Variants in UBXN8 observed in about 807,000 individuals in gnomAD.
UBXN8 encodes the protein UBX domain protein 8.
In UBXN8, 27 loss-of-function variants were observed where a neutral mutation model predicts 32.1. That is an observed-to-expected ratio of 0.84 (90% CI 0.62 to 1.16). UBXN8 has a LOEUF of 1.16. Among genes scored for constraint, UBXN8 ranks in the 50% most tolerant of loss-of-function variants. The probability of loss-of-function intolerance (pLI) is 0.00; values close to 1 mark genes in which losing one functional copy is unlikely to be tolerated. For synonymous variants in UBXN8, 109 were observed against 111.8 expected (o/e 0.98, Z 0.16); for missense variants, 306 against 311.4 (o/e 0.98, Z 0.13).
chr8:30,762,640 A>G lies in UBXN8; in HGVS notation c.571-633A>G, dbSNP rs1339537075. Among the ~76,000 whole-genome samples the G allele has an allele frequency of 3.3e-5, 5 of 152,010 alleles. No homozygotes were observed. The East Asian group carries it at 5.8e-4, about 18-fold the overall frequency. The stretch of plus-strand genomic sequence containing the variant: ...ACTCCTGACCTCAAGTGATCCGCCC[A>G]CCTTGGCCCCCCAAAGTGCTGGGAT... On this transcript the variant is annotated intron_variant, in intron 6 of 7. Coordinates refer to ENST00000265616, the MANE Select transcript of UBXN8 (RefSeq NM_005671.4).
chr8:30,741,454 CTTTTT>C (rs565066061), upstream of UBXN8, among the ~76,000 whole-genome samples: 18 of 116,740 alleles, frequency 1.5e-4, no homozygotes, highest in African/African-American at 5.6e-4. Context: ...AAGCAATGTT[CTTTTT>C]TTTTTTTTTT....
At chr8:30,745,951 A>G (rs1359623841) in intron 1 of UBXN8, among the ~76,000 whole-genome samples, 3 of 152,100 alleles carry the variant, frequency 2.0e-5, no homozygotes, top group Non-Finnish European at 4.4e-5. Flanking sequence ...TGGTTTTGCC[A>G]TGTTGCCCAG....
chr8:30,754,956 G>C (rs549841322), intron 4 of UBXN8, among the ~76,000 whole-genome samples, 169 bp downstream of exon 4: 1 of 129,662 alleles, frequency 7.7e-6, no homozygotes, highest in Non-Finnish European at 1.6e-5. Context: ...GGGGTTGGTC[G>C]TTTTTTTTTT....
intron 7 of UBXN8, among the ~76,000 whole-genome samples, chr8:30,763,638 G>A (rs2128756984): frequency 6.6e-6 from 1 of 152,130 alleles, no homozygotes; most frequent in African/African-American, 2.4e-5. Context: ...TGGGCAAGAT[G>A]CTTTTAAATC....
upstream of UBXN8, among the ~76,000 whole-genome samples, chr8:30,742,144 A>C (rs1805218287): frequency 6.6e-6 from 1 of 152,200 alleles, no homozygotes; most frequent in African/African-American, 2.4e-5. Context: ...CACAAGATAC[A>C]GACAACTATG....
upstream of UBXN8, among the ~76,000 whole-genome samples, chr8:30,741,126 C>T (rs890509252): frequency 1.4e-5 from 2 of 143,138 alleles, no homozygotes; most frequent in African/African-American, 5.6e-5. Context: ...CTATAGAACC[C>T]TATAAAAATC....
intron 6 of UBXN8, 51 bp downstream of exon 6, chr8:30,760,980 C>A: frequency 1.5e-6 from 2 of 1,301,482 alleles, no homozygotes; most frequent in Non-Finnish European, 2.1e-6. Context: ...ATTTTCTTTG[C>A]TTAACATCCA....
rs898354782 is a variant in UBXN8 at position 30,760,863 on chromosome 8, T to G, written c.529-25T>G. On this transcript the variant is annotated intron_variant, in intron 5 of 7. Coordinates refer to ENST00000265616, the MANE Select transcript of UBXN8 (RefSeq NM_005671.4). ...TTTTGCTTGTTGAACATGTTTACAT[T>G]CCTCTTACCAATACTTTTCTTTAGA... 7 of 1,491,802 alleles carry G rather than the reference T, an allele frequency of 4.7e-6. No individual in the cohort carries two copies. The Admixed American group carries it at 1.3e-4, about 28-fold the overall frequency. The allele number at this position is 1,491,802 out of a possible 1,614,324, so 92.4% of individuals were successfully genotyped here.
At chr8:30,758,870 A>AT (rs1563564493) in intron 5 of UBXN8, among the ~76,000 whole-genome samples, 2 of 140,038 alleles carry the variant, frequency 1.4e-5, no homozygotes, top group African/African-American at 2.8e-5. Context: ...TTGGTAACAA[A>AT]TGTTTTTTTT....
At chr8:30,743,965 T>TC (rs549498056), upstream of UBXN8, among the ~76,000 whole-genome samples, 24 of 152,270 alleles carry the variant, frequency 1.6e-4, no homozygotes, top group East Asian at 4.4e-3. Context: ...CCTCTGGACA[T>TC]CATGTGACTT....
upstream of UBXN8, among the ~76,000 whole-genome samples, chr8:30,741,163 ATTGCTC>A (rs1249778121): frequency 6.6e-6 from 1 of 152,172 alleles, no homozygotes; most frequent in Non-Finnish European, 1.5e-5. Context: ...AGGCTGGCAG[ATTGCTC>A]GAGCCCAGGA....
intron 1 of UBXN8, among the ~76,000 whole-genome samples, chr8:30,737,807 A>G (rs529042280): frequency 1.3e-5 from 2 of 152,090 alleles, no homozygotes; most frequent in African/African-American, 4.8e-5. Context: ...GTGATTGTAC[A>G]ACCACACTGC....
upstream of UBXN8, among the ~76,000 whole-genome samples, chr8:30,730,418 C>T (rs186544951): frequency 4.9e-4 from 74 of 152,274 alleles, no homozygotes; most frequent in African/African-American, 1.7e-3. Context: ...GGGCTGATTG[C>T]CACCAGTTGC....
Position 30,766,490 on chromosome 8 carries a change from T to C in UBXN8, c.*96T>C. On this transcript the variant is annotated 3_prime_UTR_variant, in exon 8 of 8. Coordinates refer to ENST00000265616, the MANE Select transcript of UBXN8 (RefSeq NM_005671.4). Reference sequence around the variant, plus strand: ...ACTTTCAAATCACACTATACCTTGATTGAGCTCATGGCAGTAAACTTTGAA... The same window carrying C: ...ACTTTCAAATCACACTATACCTTGACTGAGCTCATGGCAGTAAACTTTGAA... 7.7e-7 allele frequency: 1 copy of C among 1,293,462 alleles called. No homozygotes were observed. Among genetic ancestry groups the C allele is most frequent in the Non-Finnish European group, 1.0e-6 (1 of 976,608 alleles). 80.1% of individuals were successfully genotyped at this position (1,293,462 alleles called of 1,614,324 possible). A position where few individuals can be genotyped will look rare whatever the true frequency, so the allele number is the denominator to read the frequency against.
At chr8:30,762,286 C>G (rs1214736251) in intron 6 of UBXN8, among the ~76,000 whole-genome samples, 2 of 152,086 alleles carry the variant, frequency 1.3e-5, no homozygotes, top group Non-Finnish European at 2.9e-5. Context: ...GTGTTTTGCT[C>G]AGGCTGGTCC....
At chr8:30,757,836 C>T (rs377015989) in intron 5 of UBXN8, among the ~76,000 whole-genome samples, 2 of 144,218 alleles carry the variant, frequency 1.4e-5, no homozygotes, top group African/African-American at 2.6e-5. Flanking sequence ...CTCCAGCCTG[C>T]GCGACAGAGT....
At chr8:30,751,703 A>T (rs1383680970) in intron 2 of UBXN8, among the ~76,000 whole-genome samples, 185 bp downstream of exon 2, 1 of 152,124 alleles carries the variant, frequency 6.6e-6, no homozygotes, top group Non-Finnish European at 1.5e-5. Flanking sequence ...ATTGTTTTGC[A>T]TGGAGTATAT....
chr8:30,744,144 G>A (rs751097700), upstream of UBXN8: 4 of 1,583,588 alleles, frequency 2.5e-6, no homozygotes, highest in Middle Eastern at 1.7e-4. Context: ...GGAAAACGCG[G>A]CCGGAAGGGG....
At chr8:30,741,660 C>T (rs1463784795), upstream of UBXN8, among the ~76,000 whole-genome samples, 1 of 151,960 alleles carries the variant, frequency 6.6e-6, no homozygotes, top group Non-Finnish European at 1.5e-5. Flanking sequence ...CCATGTTGGC[C>T]AGGATGGTCA....
Sources: gnomAD v4.1 joint callset for allele counts (sites outside exome capture counted in the v4.1 genomes callset) on GRCh38, gnomAD v4.1.1 for gene constraint, MANE v1.5 for transcripts, NCBI Gene and HGNC (gene_info 2026-07-23, HGNC 2026-07-21) for gene names.